Variants in KIF4A observed in about 807,000 individuals in gnomAD.
KIF4A encodes the protein chromosome-associated kinesin KIF4A.
A neutral mutation model predicts 105.9 loss-of-function variants in KIF4A; 7 were observed. That is an observed-to-expected ratio of 0.07 (90% CI 0.04 to 0.12). The LOEUF (loss-of-function observed/expected upper bound fraction) is 0.12. Among genes scored for constraint, KIF4A ranks in the 10% least tolerant of loss-of-function variants. KIF4A has a pLI of 1.00. For synonymous variants in KIF4A, 281 were observed against 331.3 expected (o/e 0.85, Z 1.65); for missense variants, 558 against 929.2 (o/e 0.60, Z 5.19).
intron 22 of KIF4A, among the ~76,000 whole-genome samples, chrX:70,398,227 AG>A (rs2086267867): frequency 9.0e-6 from 1 of 111,560 alleles, no homozygotes; most frequent in Non-Finnish European, 1.9e-5. Context: ...TAGTAGAGAC[AG>A]GGTTTCACCA....
intron 20 of KIF4A, among the ~76,000 whole-genome samples, chrX:70,393,850 TTTCTTTCTTTCTTTCTTTC>T (rs2086248291): frequency 1.4e-4 from 1 of 6,958 alleles, no homozygotes; most frequent in Admixed American, 4.3e-3. Context: ...TCTTTCTTTC[TTTCTTTCTTTCTTTCTTTC>T]TTTTTTTTTT....
At chrX:70,323,810 A>ATATTTATGTATT (rs2085900569) in intron 7 of KIF4A, among the ~76,000 whole-genome samples, 1 of 94,610 alleles carries the variant, frequency 1.1e-5, no homozygotes, top group South Asian at 5.5e-4. Flanking sequence ...CTGGCATTTA[A>ATATTTATGTATT]TATTTATTTA....
intron 18 of KIF4A, among the ~76,000 whole-genome samples, chrX:70,380,753 T>A (rs183632828): frequency 2.7e-5 from 3 of 112,247 alleles, no homozygotes; most frequent in Non-Finnish European, 5.6e-5. Context: ...TGTTTATAGA[T>A]GACATGATCT....
At chrX:70,316,090 G>A (rs942593572) in intron 7 of KIF4A, among the ~76,000 whole-genome samples, 1 of 111,643 alleles carries the variant, frequency 9.0e-6, no homozygotes, top group Non-Finnish European at 1.9e-5. Context: ...TCAGGTTTGG[G>A]AATAGAGGCG....
intron 1 of KIF4A, 116 bp from the exon 2 acceptor site, chrX:70,290,322 C>A (rs2085753108): frequency 4.4e-6 from 4 of 899,073 alleles, no homozygotes; most frequent in Non-Finnish European, 6.1e-6. Context: ...AGTCATGGAG[C>A]GTGAATCTCC....
At chrX:70,355,370 T>C (rs1254060338) in intron 15 of KIF4A, among the ~76,000 whole-genome samples, 2 of 111,608 alleles carry the variant, frequency 1.8e-5, no homozygotes, top group African/African-American at 6.5e-5. Flanking sequence ...CAGGCTACAC[T>C]AATGGCTGGC....
intron 28 of KIF4A, among the ~76,000 whole-genome samples, chrX:70,415,907 G>A (rs1373962262): frequency 8.4e-5 from 7 of 83,477 alleles, no homozygotes; most frequent in Admixed American, 5.1e-4. Flanking sequence ...CACTCTTGTC[G>A]CCCAGGCTGG....
At chrX:70,351,751 G>A (rs2086031651) in intron 13 of KIF4A, among the ~76,000 whole-genome samples, 2 of 111,271 alleles carry the variant, frequency 1.8e-5, no homozygotes, top group Non-Finnish European at 3.8e-5. Context: ...TTTTGTTTTT[G>A]TTTTTTGATT....
chrX:70,368,906 G>A (rs1199403), intron 15 of KIF4A, among the ~76,000 whole-genome samples: 13,942 of 111,340 alleles, frequency 0.13, 1,423 homozygotes, highest in African/African-American at 0.34. Flanking sequence ...CCCAGTTCGA[G>A]CTTCCCAGCC....
intron 15 of KIF4A, among the ~76,000 whole-genome samples, chrX:70,370,886 A>T (rs2147717320): frequency 9.9e-6 from 1 of 100,923 alleles, no homozygotes; most frequent in South Asian, 5.0e-4. Flanking sequence ...CAGTAAGCCG[A>T]GATCACACCA....
At chrX:70,295,412 C>G (rs1020221358) in intron 3 of KIF4A, among the ~76,000 whole-genome samples, 1 of 108,480 alleles carries the variant, frequency 9.2e-6, no homozygotes, top group Admixed American at 9.8e-5. Context: ...TGACCTCAAG[C>G]GATCTGCCCG....
intron 15 of KIF4A, among the ~76,000 whole-genome samples, chrX:70,363,491 A>G (rs1488170976): frequency 9.0e-6 from 1 of 110,635 alleles, no homozygotes; most frequent in Non-Finnish European, 1.9e-5. Context: ...GAGAATATGC[A>G]GTGTTTGGTT....
chrX:70,353,801 A>G lies in KIF4A; in HGVS notation c.1668A>G (p.Gln556=). 1.7e-6 allele frequency: 2 copies of G among 1,167,927 alleles called. No homozygotes were observed. The highest frequency in any genetic ancestry group is 2.3e-6 in the Non-Finnish European group (2 of 871,028). Reference sequence around the variant, plus strand: ...GCCAACTGCAGCCCATTCAGTACCAATACCAGGTAAACTATTTCCTAGGGC... The same window carrying G: ...GCCAACTGCAGCCCATTCAGTACCAGTACCAGGTAAACTATTTCCTAGGGC... ...NDSQLQPIQY[Q]YQDNIKELEL... The change falls in exon 15 of 31, where the codon CAA becomes CAG. Residue 556 remains glutamine (Q), a synonymous_variant. Transcript: ENST00000374403.
At chrX:70,390,035 C>T (rs1319044691) in intron 20 of KIF4A, among the ~76,000 whole-genome samples, 1 of 112,172 alleles carries the variant, frequency 8.9e-6, no homozygotes, top group African/African-American at 3.2e-5. Flanking sequence ...TTTAATTTCT[C>T]TCAGCAACAT....
intron 22 of KIF4A, among the ~76,000 whole-genome samples, chrX:70,397,922 A>G (rs2086266260): frequency 8.9e-6 from 1 of 112,406 alleles, no homozygotes; most frequent in African/African-American, 3.2e-5. Context: ...CTAAAATTTC[A>G]AGAATGTTGT....
intron 16 of KIF4A, among the ~76,000 whole-genome samples, chrX:70,374,751 T>C (rs980492368): frequency 8.9e-6 from 1 of 112,166 alleles, no homozygotes; most frequent in East Asian, 2.8e-4. Flanking sequence ...CATAACATCC[T>C]ACTCTCCTTC....
At chrX:70,355,111 T>A (rs1368197213) in intron 15 of KIF4A, among the ~76,000 whole-genome samples, 2 of 111,756 alleles carry the variant, frequency 1.8e-5, no homozygotes, top group Admixed American at 9.5e-5. Flanking sequence ...CACCCCTGCC[T>A]GGCTGGCATC....
chrX:70,351,891 G>A (rs2086032248), intron 13 of KIF4A, among the ~76,000 whole-genome samples: 1 of 111,442 alleles, frequency 9.0e-6, no homozygotes, highest in African/African-American at 3.3e-5. Context: ...CAGAGTAGCT[G>A]TGATTACAGG....
intron 18 of KIF4A, among the ~76,000 whole-genome samples, chrX:70,377,723 G>A (rs1168146374): frequency 2.7e-5 from 3 of 112,465 alleles, no homozygotes; most frequent in East Asian, 2.8e-4. Flanking sequence ...ATCACCTGAT[G>A]TCAGGAGTTC....
Sources: gnomAD v4.1 joint callset for allele counts (sites outside exome capture counted in the v4.1 genomes callset) on GRCh38, gnomAD v4.1.1 for gene constraint, MANE v1.5 for transcripts, NCBI Gene and HGNC (gene_info 2026-07-23, HGNC 2026-07-21) for gene names.